Variants in TRIM24 observed in about 807,000 individuals in gnomAD.
The protein encoded by TRIM24 is tripartite motif containing 24.
A neutral mutation model predicts 123.9 loss-of-function variants in TRIM24; 29 were observed. That is an observed-to-expected ratio of 0.23 (90% CI 0.17 to 0.32). The LOEUF is 0.32. Ranked by LOEUF, TRIM24 falls within the 10% of genes least tolerant of loss-of-function variation. TRIM24 has a pLI of 1.00. For missense variants in TRIM24, 932 were observed against 1,295.3 expected, an observed-to-expected ratio of 0.72 and a Z score of 4.31; for synonymous variants, 456 against 461.1, an observed-to-expected ratio of 0.99 and a Z score of 0.14.
chr7:138,561,876 A>AT (rs1269768659), intron 9 of TRIM24, among the ~76,000 whole-genome samples: 2 of 152,164 alleles, frequency 1.3e-5, no homozygotes, highest in Non-Finnish European at 2.9e-5. Context: ...GTGGCTTCAT[A>AT]TAATGGCTTG....
At chr7:138,567,742 A>G in intron 10 of TRIM24, 88 bp downstream of exon 10, 2 of 1,335,440 alleles carry the variant, frequency 1.5e-6, no homozygotes, top group Non-Finnish European at 2.0e-6. Flanking sequence ...GCAACAGGTT[A>G]TAAAGAGCCA....
At chr7:138,482,440 T>C (rs1795550587) in intron 1 of TRIM24, among the ~76,000 whole-genome samples, 2 of 151,910 alleles carry the variant, frequency 1.3e-5, no homozygotes, top group African/African-American at 4.9e-5. Context: ...AAAATCACTT[T>C]GGGGAGAATA....
At chr7:138,563,810 T>C (rs1797476948) in intron 9 of TRIM24, among the ~76,000 whole-genome samples, 1 of 152,204 alleles carries the variant, frequency 6.6e-6, no homozygotes, top group East Asian at 1.9e-4. Flanking sequence ...ATTGATTGCC[T>C]TTTTCCTGCC....
intron 3 of TRIM24, among the ~76,000 whole-genome samples, chr7:138,516,452 G>C (rs1001567914): frequency 2.0e-5 from 3 of 152,144 alleles, no homozygotes; most frequent in African/African-American, 7.2e-5. Flanking sequence ...TGCAACCTCT[G>C]CCACCTGGGT....
At chr7:138,584,698 A>C (rs756370755) in intron 18 of TRIM24, 44 bp from the exon 19 acceptor site, 2 of 1,476,318 alleles carry the variant, frequency 1.4e-6, no homozygotes, top group Non-Finnish European at 1.8e-6. Context: ...CTCAGAAGTC[A>C]AAAGTGTGTC....
chr7:138,531,544 A>G (rs1187826174), intron 6 of TRIM24, among the ~76,000 whole-genome samples: 2 of 152,166 alleles, frequency 1.3e-5, no homozygotes, highest in Non-Finnish European at 2.9e-5. Flanking sequence ...AAAGGACATG[A>G]ACTCATCATT....
intron 6 of TRIM24, among the ~76,000 whole-genome samples, chr7:138,533,640 C>T (rs1194902745): frequency 6.6e-6 from 1 of 152,216 alleles, no homozygotes; most frequent in African/African-American, 2.4e-5. Context: ...AGGATTCTTA[C>T]ATCAATGTTC....
chr7:138,500,492 G>A (rs539717739), intron 1 of TRIM24, among the ~76,000 whole-genome samples: 103 of 151,590 alleles, frequency 6.8e-4, no homozygotes, highest in African/African-American at 2.4e-3. Flanking sequence ...GAGCCCGAGA[G>A]GTGGAGGCTA....
chr7:138,464,893 T>C (rs577268851), intron 1 of TRIM24, among the ~76,000 whole-genome samples: 1 of 152,318 alleles, frequency 6.6e-6, no homozygotes, highest in Admixed American at 6.5e-5. Context: ...TAGGGTATAA[T>C]ACAGTTACAC....
At position 138,585,035 on chromosome 7, in the gene TRIM24, A is replaced by G; in HGVS notation, c.*84A>G. The stretch of plus-strand genomic sequence containing the variant: ...TGTCAGTAATTTAACATCACTACAA[A>G]AAGAAGAGTTTGTGACTATTCTCAT... On this transcript the variant is annotated 3_prime_UTR_variant, in exon 19 of 19. Coordinates refer to ENST00000343526, the MANE Select transcript of TRIM24 (RefSeq NM_015905.3). The G allele has an allele frequency of 8.2e-7, 1 of 1,224,844 alleles. No homozygotes were observed. The highest frequency in any genetic ancestry group is 1.1e-6 in the Non-Finnish European group (1 of 878,676). The allele number at this position is 1,224,844 out of a possible 1,614,324, so 75.9% of individuals were successfully genotyped here.
intron 1 of TRIM24, 24 bp downstream of exon 1, chr7:138,460,936 G>A: frequency 7.1e-7 from 1 of 1,404,500 alleles, no homozygotes; most frequent in Non-Finnish European, 9.2e-7. Context: ...GCGGCCGCTG[G>A]GGAGCCCGGG....
At chr7:138,538,947 T>A in intron 7 of TRIM24, 144 bp downstream of exon 7, 1 of 688,726 alleles carries the variant, frequency 1.5e-6, no homozygotes. Context: ...GGTTTTAATA[T>A]TTTTACCTGG....
intron 15 of TRIM24, 112 bp downstream of exon 15, chr7:138,579,644 C>T: frequency 1.2e-6 from 1 of 827,692 alleles, no homozygotes; most frequent in Non-Finnish European, 1.9e-6. Flanking sequence ...CAAGTGTATA[C>T]TCCAAAATCC....
intron 1 of TRIM24, among the ~76,000 whole-genome samples, chr7:138,502,426 A>T (rs1796061433): frequency 6.6e-6 from 1 of 152,256 alleles, no homozygotes; most frequent in Admixed American, 6.5e-5. Context: ...TTTATAGAAG[A>T]TGAAAAAGAG....
chr7:138,467,353 TG>T (rs1464169340), intron 1 of TRIM24, among the ~76,000 whole-genome samples: 3 of 110,350 alleles, frequency 2.7e-5, no homozygotes, highest in Non-Finnish European at 6.1e-5. Flanking sequence ...TGTTTTGTTT[TG>T]TTTTTTTGAG....
intron 9 of TRIM24, among the ~76,000 whole-genome samples, chr7:138,561,012 G>A (rs898782964): frequency 4.6e-5 from 7 of 152,086 alleles, no homozygotes; most frequent in African/African-American, 1.2e-4. Flanking sequence ...GTTCTTCCTC[G>A]TACTTTATTT....
chr7:138,475,055 G>T (rs1253438537), intron 1 of TRIM24, among the ~76,000 whole-genome samples: 1 of 152,200 alleles, frequency 6.6e-6, no homozygotes, highest in Non-Finnish European at 1.5e-5. Context: ...AGCTGTTAGA[G>T]AATTAAGTTT....
At chr7:138,462,874 T>TA (rs1795036381) in intron 1 of TRIM24, among the ~76,000 whole-genome samples, 1 of 150,544 alleles carries the variant, frequency 6.6e-6, no homozygotes, top group Admixed American at 6.6e-5. Flanking sequence ...ATTTATTTAT[T>TA]TATTTTTTTT....
At chr7:138,578,414 T>G (rs1427297125) in intron 14 of TRIM24, among the ~76,000 whole-genome samples, 6 of 152,200 alleles carry the variant, frequency 3.9e-5, no homozygotes, top group Non-Finnish European at 1.5e-5. Context: ...AGACAAATAC[T>G]GATCAGTTAG....
Sources: allele counts gnomAD v4.1 joint callset (sites outside exome capture counted in the v4.1 genomes callset), GRCh38; gene constraint gnomAD v4.1.1; transcripts MANE v1.5; gene names NCBI Gene and HGNC (gene_info 2026-07-23, HGNC 2026-07-21).